The following PPP2R5C variants were observed in gnomAD, a reference collection of about 807,000 sequenced individuals.
The protein encoded by PPP2R5C is serine/threonine-protein phosphatase 2A 56 kDa regulatory subunit gamma isoform.
In PPP2R5C, 7 loss-of-function variants were observed where a neutral mutation model predicts 68.9. The observed-to-expected ratio is 0.10, with a 90% CI of 0.06 to 0.19. The LOEUF is 0.19. Ranked by LOEUF, PPP2R5C falls within the 10% of genes least tolerant of loss-of-function variation. PPP2R5C has a pLI of 1.00. For missense variants in PPP2R5C, 348 were observed against 641.3 expected (o/e 0.54, Z 4.94); for synonymous variants, 210 against 222.2 (o/e 0.95, Z 0.49).
At chr14:101,803,804 T>C (rs1181552884) in intron 3 of PPP2R5C, among the ~76,000 whole-genome samples, 3 of 151,618 alleles carry the variant, frequency 2.0e-5, no homozygotes, top group Admixed American at 6.6e-5. Flanking sequence ...CTGCAGGACA[T>C]TGGTCTTGGC....
chr14:101,909,716 T>G, intron 11 of PPP2R5C, 26 bp downstream of exon 13: 1 of 1,513,452 alleles, frequency 6.6e-7, no homozygotes, highest in Non-Finnish European at 9.1e-7. Context: ...CACAAGTTAC[T>G]GTTTCCAGGA....
At chr14:101,817,479 C>T (rs970087644) in intron 1 of PPP2R5C, among the ~76,000 whole-genome samples, 10 of 152,320 alleles carry the variant, frequency 6.6e-5, no homozygotes, top group Middle Eastern at 3.4e-3. Flanking sequence ...GCTGCACAGA[C>T]GGCCACACCA....
rs1337871240 is a variant in PPP2R5C at position 101,781,537 on chromosome 14, C to T, written c.94-4481C>T. ...CCTTGCCAGCCTGCGCCTTCCTGGG[C>T]GCCTGACGCACCCCTCTGCCCCAAC... On this transcript the variant is annotated intron_variant, in intron 2 of 14. Coordinates refer to the PPP2R5C transcript ENST00000328724. The surrounding 1 kb of genome is among the most constrained non-coding windows in gnomAD (Gnocchi z 6.4). 3.5e-5 allele frequency among the ~76,000 whole-genome samples: 5 copies of T among 143,310 alleles called. No individual in the cohort carries two copies. Among genetic ancestry groups the T allele is most frequent in the Admixed American group, 2.1e-4 (3 of 14,372 alleles). 94.0% of individuals were successfully genotyped at this position (143,310 alleles called of 152,430 possible). A position where few individuals can be genotyped will look rare whatever the true frequency, so the allele number is the denominator to read the frequency against.
intron 1 of PPP2R5C, among the ~76,000 whole-genome samples, chr14:101,847,963 G>A (rs2403001): frequency 0.11 from 16,843 of 152,112 alleles, 1,020 homozygotes; most frequent in Non-Finnish European, 0.13. Flanking sequence ...GCATGAGCCA[G>A]GCATGAGCCA....
At chr14:101,760,906 A>AGGGCTGGCCGAGGGGAGGGGCTGGCC (rs2036471902), upstream of PPP2R5C, among the ~76,000 whole-genome samples, 1 of 47,426 alleles carries the variant, frequency 2.1e-5, no homozygotes, top group Non-Finnish European at 4.0e-5. Context: ...GTCGAGGGGA[A>AGGGCTGGCCGAGGGGAGGGGCTGGCC]GGGCTGGCCG....
chr14:101,810,603 C>T (rs1053490818), intron 1 of PPP2R5C, among the ~76,000 whole-genome samples: 1 of 152,090 alleles, frequency 6.6e-6, no homozygotes, highest in Non-Finnish European at 1.5e-5. Context: ...TGAAATCTAT[C>T]GTGGGTCATC....
chr14:101,920,552 G>A (rs1297388431), intron 13 of PPP2R5C, among the ~76,000 whole-genome samples: 1 of 152,144 alleles, frequency 6.6e-6, no homozygotes, highest in African/African-American at 2.4e-5. Context: ...ATGTTCCTGA[G>A]TCAGAAGACT....
rs920810490 is a variant in PPP2R5C at position 101,781,550 on chromosome 14, C to G, written c.94-4468C>G. Among the ~76,000 whole-genome samples the G allele has an allele frequency of 1.3e-5, 2 of 152,032 alleles. No homozygotes were observed. The highest frequency in any genetic ancestry group is 2.9e-5 in the Non-Finnish European group (2 of 67,950). On this transcript the variant is annotated intron_variant, in intron 2 of 14. Transcript: ENST00000328724. The surrounding 1 kb of genome is among the most constrained non-coding windows in gnomAD (Gnocchi z 6.4). Reference sequence around the variant, plus strand: ...CGCCTTCCTGGGCGCCTGACGCACCCCTCTGCCCCAACCACGTTTTCTCAA... The same window carrying G: ...CGCCTTCCTGGGCGCCTGACGCACCGCTCTGCCCCAACCACGTTTTCTCAA...
At chr14:101,893,170 A>G in intron 7 of PPP2R5C, 62 bp downstream of exon 9, 2 of 1,181,034 alleles carry the variant, frequency 1.7e-6, no homozygotes, top group Non-Finnish European at 2.5e-6. Context: ...TGAACACGAG[A>G]TAGTGAATCC....
intron 1 of PPP2R5C, chr14:101,824,161 A>G: frequency 7.8e-7 from 1 of 1,274,042 alleles, no homozygotes; most frequent in Non-Finnish European, 1.0e-6. Context: ...TGGCAAGAGT[A>G]TTTTCGTGGT....
intron 1 of PPP2R5C, among the ~76,000 whole-genome samples, chr14:101,841,456 A>G (rs1198157855): frequency 6.6e-6 from 1 of 152,148 alleles, no homozygotes; most frequent in Non-Finnish European, 1.5e-5. Flanking sequence ...GTTTCCCCAA[A>G]TGCCACCACC....
intron 1 of PPP2R5C, among the ~76,000 whole-genome samples, chr14:101,833,761 G>C (rs1187926389): frequency 6.6e-6 from 1 of 152,156 alleles, no homozygotes; most frequent in Non-Finnish European, 1.5e-5. Flanking sequence ...AACATGACTA[G>C]GGGTTTTCAC....
At chr14:101,926,422 A>G (rs1032903189) in exon 14 of PPP2R5C, 15 of 152,670 alleles carry the variant, frequency 9.8e-5, no homozygotes, top group Non-Finnish European at 2.9e-5. Context: ...CGGTCTTCAC[A>G]TGCTGCTATA....
At chr14:101,881,415 AAT>A (rs1228837215) in intron 2 of PPP2R5C, among the ~76,000 whole-genome samples, 3 of 152,180 alleles carry the variant, frequency 2.0e-5, no homozygotes, top group Non-Finnish European at 4.4e-5. Context: ...TAAATAAATA[AAT>A]ACATAGATTT....
chr14:101,827,618 T>C (rs1317380212), intron 1 of PPP2R5C, among the ~76,000 whole-genome samples: 1 of 152,212 alleles, frequency 6.6e-6, no homozygotes, highest in East Asian at 1.9e-4. Context: ...TTAAAATAGA[T>C]TTGGATCTTG....
intron 2 of PPP2R5C, among the ~76,000 whole-genome samples, chr14:101,771,061 C>G (rs1020762026): frequency 6.6e-6 from 1 of 152,204 alleles, no homozygotes; most frequent in Non-Finnish European, 1.5e-5. Flanking sequence ...CAGAGACTCT[C>G]CAGTGCTCCT....
At chr14:101,764,500 C>CA (rs2036750197) in intron 2 of PPP2R5C, among the ~76,000 whole-genome samples, 1 of 152,208 alleles carries the variant, frequency 6.6e-6, no homozygotes, top group African/African-American at 2.4e-5. Flanking sequence ...TTTAGCCCTG[C>CA]ATTCTCTCTT....
intron 5 of PPP2R5C, among the ~76,000 whole-genome samples, chr14:101,885,943 G>C (rs2044475692): frequency 6.6e-6 from 1 of 152,180 alleles, no homozygotes; most frequent in African/African-American, 2.4e-5. Flanking sequence ...AGTAGGTTTT[G>C]TTCAGATAGC....
At chr14:101,826,483 T>G (rs1462857196) in intron 1 of PPP2R5C, among the ~76,000 whole-genome samples, 1 of 152,228 alleles carries the variant, frequency 6.6e-6, no homozygotes, top group Non-Finnish European at 1.5e-5. Context: ...CTCTATTCCA[T>G]TGGTCTGTAT....
Sources: gnomAD v4.1 joint callset for allele counts (sites outside exome capture counted in the v4.1 genomes callset) on GRCh38, gnomAD v4.1.1 for gene constraint, Gnocchi (gnomAD v3.1) non-coding constraint, MANE v1.5 for transcripts, NCBI Gene and HGNC (gene_info 2026-07-23, HGNC 2026-07-21) for gene names.